The following AOAH variants were observed in gnomAD, a reference collection of about 807,000 sequenced individuals.
AOAH encodes the protein acyloxyacyl hydrolase (neutrophil).
Under a neutral mutation model 92.2 loss-of-function variants are expected in AOAH, and 64 were observed. The observed-to-expected ratio is 0.69, with a 90% CI of 0.57 to 0.86. AOAH has a LOEUF of 0.86. AOAH is among the 40% of genes least tolerant of loss of function. AOAH has a pLI of 0.00. For missense variants in AOAH, 656 were observed against 694.6 expected (o/e 0.94, Z 0.62); for synonymous variants, 263 against 254.5 (o/e 1.03, Z -0.32).
At chr7:36,602,383 T>C (rs1790676567) in intron 11 of AOAH, among the ~76,000 whole-genome samples, 1 of 152,090 alleles carries the variant, frequency 6.6e-6, no homozygotes, top group African/African-American at 2.4e-5. Context: ...CACTGCCGCA[T>C]ACCAAATGAG....
chr7:36,714,906 G>C (rs1799026256), intron 1 of AOAH, among the ~76,000 whole-genome samples: 1 of 152,178 alleles, frequency 6.6e-6, no homozygotes, highest in Admixed American at 6.5e-5. Context: ...CATTCCCTTT[G>C]AAAACGGGCA....
rs1052853599 is a variant in AOAH at position 36,591,272 on chromosome 7, C to T, written c.938+3067G>A. On this transcript the variant is annotated intron_variant, in intron 12 of 20. Coordinates refer to ENST00000617537, the MANE Select transcript of AOAH (RefSeq NM_001637.4). ...AAGTTCCTGCAGGGGAGGTGAACAA[C>T]CAGCTGTGGTGTGTGCCTCGTTAGA... 3.3e-5 allele frequency among the ~76,000 whole-genome samples: 5 copies of T among 152,164 alleles called. No homozygotes were observed. The South Asian group carries it at 8.3e-4, about 25-fold the overall frequency.
rs1380837624 is a variant in AOAH, at chr7:36,677,230, A to G, written c.224-3221T>C. Among the ~76,000 whole-genome samples, 3 of 152,212 alleles carry G rather than the reference A, an allele frequency of 2.0e-5. No individual in the cohort carries two copies. In the East Asian group the frequency reaches 5.8e-4, roughly 29 times the overall value. ...GCTAGAATATATAAAGGACTATTACAACTCAATAATAAAAAGACAAATAGT... is the reference window on the plus strand; with the variant it reads ...GCTAGAATATATAAAGGACTATTACGACTCAATAATAAAAAGACAAATAGT... On this transcript the variant is annotated intron_variant, in intron 2 of 20. Coordinates refer to ENST00000617537, the MANE Select transcript of AOAH (RefSeq NM_001637.4).
In AOAH at chr7:36,614,964, G is replaced by GTGTT. The variant is rs1391572984; in HGVS notation, c.846+1412_846+1415dup. On this transcript the variant is annotated intron_variant, in intron 11 of 20. Transcript: ENST00000617537. The surrounding 1 kb of genome is among the most constrained non-coding windows in gnomAD (Gnocchi z 4.2). ...GGAACCCAGCAGCTCTCAGGCCTGA[G>GTGTT]TGTTTCAGGTTGGGAGCCTCAGTGC... 8.5e-5 allele frequency among the ~76,000 whole-genome samples: 13 copies of GTGTT among 152,308 alleles called. No individual in the cohort carries two copies. In the East Asian group the frequency reaches 2.5e-3, roughly 29 times the overall value.
Position 36,613,885 on chromosome 7 carries a change from G to A in AOAH, c.846+2495C>T, listed in dbSNP as rs932152402. 2.0e-5 allele frequency among the ~76,000 whole-genome samples: 3 copies of A among 152,136 alleles called. No individual in the cohort carries two copies. In the East Asian group the frequency reaches 5.8e-4, roughly 29 times the overall value. On this transcript the variant is annotated intron_variant, in intron 11 of 20. Transcript: ENST00000617537. ...CAGCGCTCTTCATTTGTATTCTTGA[G>A]CAGTTTTCATATGTATCCGGATGTG...
chr7:36,582,367 T>C (rs145524267), intron 12 of AOAH, among the ~76,000 whole-genome samples: 106 of 152,316 alleles, frequency 7.0e-4, no homozygotes, highest in African/African-American at 2.5e-3. Flanking sequence ...GGCATAGGCA[T>C]GGAAGTGAGT....
chr7:36,514,450 G>A (rs1324100403), intron 20 of AOAH: 2 of 1,511,484 alleles, frequency 1.3e-6, no homozygotes, highest in Admixed American at 3.9e-5. Flanking sequence ...CTCGACTCTG[G>A]CTTTCCCAGC....
chr7:36,664,561 T>G (rs1795424792), intron 3 of AOAH, among the ~76,000 whole-genome samples: 1 of 152,148 alleles, frequency 6.6e-6, no homozygotes, highest in Non-Finnish European at 1.5e-5. Flanking sequence ...TCCTCCAGCT[T>G]TGTTCTTCTC....
intron 2 of AOAH, among the ~76,000 whole-genome samples, chr7:36,684,315 G>C (rs1213330924): frequency 6.6e-6 from 1 of 152,136 alleles, no homozygotes; most frequent in African/African-American, 2.4e-5. Flanking sequence ...AACCCATCAG[G>C]TGTGTTTAAG....
rs573660484 is a variant in AOAH, at chr7:36,695,917, C to A, written c.128-9123G>T. On this transcript the variant is annotated intron_variant, in intron 1 of 20. Coordinates refer to ENST00000617537, the MANE Select transcript of AOAH (RefSeq NM_001637.4). ...GAAGTTTTATAGTTTTAGCTCTTAC[C>A]TTTAGGTCTATATTCTATTTTGAGT... is the stretch of plus-strand genomic sequence containing the variant. Among the ~76,000 whole-genome samples, 128 of 150,342 alleles carry A rather than the reference C, an allele frequency of 8.5e-4. 1 individual carries two copies. Among genetic ancestry groups the A allele is most frequent in the South Asian group, 3.0e-3 (14 of 4,618 alleles).
At chr7:36,679,141 T>C (rs1381470585) in intron 2 of AOAH, among the ~76,000 whole-genome samples, 1 of 152,136 alleles carries the variant, frequency 6.6e-6, no homozygotes, top group African/African-American at 2.4e-5. Context: ...ACATAGGACA[T>C]TCCAATTTGT....
chr7:36,524,027 G>A (rs978588152), intron 19 of AOAH, among the ~76,000 whole-genome samples: 5 of 152,030 alleles, frequency 3.3e-5, no homozygotes, highest in Non-Finnish European at 5.9e-5. Context: ...CAGGTGAAAT[G>A]TCAGCCTCCC....
At chr7:36,715,457 A>T (rs1192195266) in intron 1 of AOAH, among the ~76,000 whole-genome samples, 6 of 151,688 alleles carry the variant, frequency 4.0e-5, no homozygotes, top group Admixed American at 1.3e-4. Flanking sequence ...CTTTCTTCAC[A>T]GAATTGGAAA....
chr7:36,606,652 G>A (rs1791023250), intron 11 of AOAH, among the ~76,000 whole-genome samples: 1 of 152,188 alleles, frequency 6.6e-6, no homozygotes, highest in East Asian at 1.9e-4. Flanking sequence ...ACAGATGGGG[G>A]AAGAAGCAGG....
intron 4 of AOAH, among the ~76,000 whole-genome samples, chr7:36,646,620 A>C (rs1794237186): frequency 6.6e-6 from 1 of 152,222 alleles, no homozygotes; most frequent in South Asian, 2.1e-4. Flanking sequence ...AACAACACGA[A>C]TATTCTTTCA....
At chr7:36,524,844 A>G (rs1028109400) in intron 19 of AOAH, among the ~76,000 whole-genome samples, 21 of 151,970 alleles carry the variant, frequency 1.4e-4, no homozygotes, top group Admixed American at 8.5e-4. Context: ...CTGATTTTAA[A>G]CTTTTAGCCT....
rs73340177 is a variant in AOAH, at chr7:36,619,467, C to T, written c.703-1122G>A. Among the ~76,000 whole-genome samples the T allele has an allele frequency of 9.5e-3, 1,442 of 152,212 alleles. 20 individuals carry two copies. The highest frequency in any genetic ancestry group is 0.032 in the African/African-American group (1,342 of 41,502). On this transcript the variant is annotated intron_variant, in intron 9 of 20. Transcript: ENST00000617537. ...CTGAGGCCTGGGTGGGACCATGGAACGAAGACAGGGCATCACACATTGATT... is the reference window on the plus strand; with the variant it reads ...CTGAGGCCTGGGTGGGACCATGGAATGAAGACAGGGCATCACACATTGATT...
At chr7:36,620,568 A>C (rs1291248715) in intron 9 of AOAH, among the ~76,000 whole-genome samples, 5 of 152,240 alleles carry the variant, frequency 3.3e-5, no homozygotes, top group Non-Finnish European at 7.3e-5. Flanking sequence ...CAAGGCTTAA[A>C]GGGGCCATGA....
chr7:36,514,756 T>G, intron 20 of AOAH: 1 of 586,826 alleles, frequency 1.7e-6, no homozygotes, highest in Non-Finnish European at 3.0e-6. Flanking sequence ...GGGATATCCC[T>G]GACTTTTCCC....
Sources: gnomAD v4.1 joint callset for allele counts (sites outside exome capture counted in the v4.1 genomes callset) on GRCh38, gnomAD v4.1.1 for gene constraint, Gnocchi (gnomAD v3.1) non-coding constraint, MANE v1.5 for transcripts, NCBI Gene and HGNC (gene_info 2026-07-23, HGNC 2026-07-21) for gene names.